The following BMP7 variants were observed in gnomAD, a reference collection of about 807,000 sequenced individuals.
BMP7 encodes osteogenic protein 1.
BMP7 carries 12 observed loss-of-function variants against 41.2 expected under a neutral mutation model. The observed-to-expected ratio is 0.29, with a 90% CI of 0.19 to 0.47. BMP7 has a LOEUF of 0.47. Ranked by LOEUF, BMP7 falls within the 20% of genes least tolerant of loss-of-function variation. The pLI is 0.99. For missense variants in BMP7, 467 were observed against 606.0 expected, an observed-to-expected ratio of 0.77 and a Z score of 2.41; for synonymous variants, 248 against 250.0, an observed-to-expected ratio of 0.99 and a Z score of 0.07.
intron 1 of BMP7, among the ~76,000 whole-genome samples, chr20:57,247,673 G>A (rs1219387856): frequency 1.3e-5 from 2 of 152,112 alleles, no homozygotes; most frequent in Admixed American, 6.5e-5. Context: ...CATTCCACCA[G>A]GGCAGGCAGG....
intron 4 of BMP7, among the ~76,000 whole-genome samples, chr20:57,180,408 A>G (rs891827571): frequency 6.6e-6 from 1 of 151,754 alleles, no homozygotes; most frequent in African/African-American, 2.4e-5. Context: ...TCCTCTCCGG[A>G]CCAGCCTGGC....
At chr20:57,253,091 C>A (rs1018753771) in intron 1 of BMP7, among the ~76,000 whole-genome samples, 6 of 152,202 alleles carry the variant, frequency 3.9e-5, no homozygotes, top group Non-Finnish European at 8.8e-5. Context: ...TCCCCCACCC[C>A]CTTCCATCCC....
rs997284864 is a variant in BMP7 at position 57,259,541 on chromosome 20, C to T, written c.418+6164G>A. 2.0e-5 allele frequency among the ~76,000 whole-genome samples: 3 copies of T among 152,070 alleles called. No homozygotes were observed. The highest frequency in any genetic ancestry group is 3.8e-4 in the East Asian group (2 of 5,196). On this transcript the variant is annotated intron_variant, in intron 1 of 6. Coordinates refer to ENST00000395863, the MANE Select transcript of BMP7 (RefSeq NM_001719.3). This position sits in a 1 kb window ranked among gnomAD's most constrained non-coding sequence, Gnocchi z 4.7. ...ACGTTCAACATGTTTGCACAGGAAC[C>T]GGATTATATGCACCCTGGCTCCAAA...
chr20:57,240,781 G>C (rs193164114), intron 1 of BMP7, among the ~76,000 whole-genome samples: 6 of 152,312 alleles, frequency 3.9e-5, no homozygotes, highest in Non-Finnish European at 8.8e-5. Context: ...CAGATCTTGT[G>C]AGAATTAGTC....
intron 2 of BMP7, chr20:57,225,924 G>T (rs1183164561): frequency 1.7e-5 from 8 of 471,156 alleles, no homozygotes; most frequent in Non-Finnish European, 3.5e-5. Context: ...GTTCGTTCTG[G>T]TCGATGCCCT....
chr20:57,194,978 G>T (rs761691515), intron 3 of BMP7, among the ~76,000 whole-genome samples: 1 of 152,210 alleles, frequency 6.6e-6, no homozygotes, highest in Non-Finnish European at 1.5e-5. Flanking sequence ...GGACCCCAAA[G>T]GTAGGAGGGA....
chr20:57,195,462 G>A (rs993130931), intron 3 of BMP7, among the ~76,000 whole-genome samples: 11 of 152,266 alleles, frequency 7.2e-5, no homozygotes, highest in Admixed American at 6.5e-4. Context: ...CCCCATTCTT[G>A]CCGTCCCAGC....
At chr20:57,187,164 A>T (rs1467040138) in intron 3 of BMP7, 1 of 152,230 alleles carries the variant, frequency 6.6e-6, no homozygotes, top group African/African-American at 2.4e-5. Flanking sequence ...CAGCTGAGAA[A>T]TGTCAGGACA....
chr20:57,223,538 T>A (rs1277642907), intron 2 of BMP7, among the ~76,000 whole-genome samples: 1 of 152,218 alleles, frequency 6.6e-6, no homozygotes, highest in Non-Finnish European at 1.5e-5. Flanking sequence ...AGATGGTGAC[T>A]GCTGAAATCT....
At chr20:57,198,543 G>A (rs1186959984) in intron 3 of BMP7, among the ~76,000 whole-genome samples, 6 of 152,306 alleles carry the variant, frequency 3.9e-5, no homozygotes, top group South Asian at 2.1e-4. Context: ...GCTTCTCCCC[G>A]CGAGGGCACG....
rs1257839739 is a variant in BMP7 at position 57,170,901 on chromosome 20, G to C, written c.*58C>G. On this transcript the variant is annotated 3_prime_UTR_variant, in exon 7 of 7. Coordinates refer to ENST00000395863, the MANE Select transcript of BMP7 (RefSeq NM_001719.3). ...GTTGGTCTGCTGGTTCCTGGCCAAG[G>C]CGAGCAATGGAGGATCCAGAAAAAC... The C allele has an allele frequency of 6.2e-7, 1 of 1,601,904 alleles. No individual in the cohort carries two copies. The highest frequency in any genetic ancestry group is 8.5e-7 in the Non-Finnish European group (1 of 1,176,168).
At chr20:57,252,221 G>C (rs2066116598) in intron 1 of BMP7, among the ~76,000 whole-genome samples, 1 of 152,196 alleles carries the variant, frequency 6.6e-6, no homozygotes, top group Non-Finnish European at 1.5e-5. Context: ...CATGAAATAT[G>C]ATTCTTCTCG....
intron 1 of BMP7, among the ~76,000 whole-genome samples, chr20:57,251,751 T>A (rs112773109): frequency 0.14 from 21,640 of 152,094 alleles, 1,648 homozygotes; most frequent in Admixed American, 0.22. Flanking sequence ...CTGGCCAACA[T>A]GTTGAAACCC....
At chr20:57,221,755 G>A (rs1474603699) in intron 2 of BMP7, among the ~76,000 whole-genome samples, 3 of 150,492 alleles carry the variant, frequency 2.0e-5, no homozygotes, top group Non-Finnish European at 4.4e-5. Flanking sequence ...AGGCTGCAGT[G>A]AGCTGTGATC....
intron 1 of BMP7, among the ~76,000 whole-genome samples, chr20:57,250,775 G>T (rs1600643966): frequency 6.6e-6 from 1 of 152,188 alleles, no homozygotes; most frequent in Admixed American, 6.5e-5. Flanking sequence ...GGCAGATCTG[G>T]GTGTCTCCTT....
rs139586161 is a variant in BMP7, at chr20:57,252,012, G to A, written c.418+13693C>T. On this transcript the variant is annotated intron_variant, in intron 1 of 6. Transcript: ENST00000395863. ...TCCCAGGTAGGGGACATAGCGTGTG[G>A]AAAGCAGGGATCAATAAACCCCATG... 1.2e-3 allele frequency among the ~76,000 whole-genome samples: 180 copies of A among 152,312 alleles called. No individual in the cohort carries two copies. In the East Asian group the frequency reaches 0.022, roughly 18 times the overall value.
chr20:57,201,750 T>C (rs1984624926), intron 3 of BMP7, among the ~76,000 whole-genome samples: 1 of 152,080 alleles, frequency 6.6e-6, no homozygotes, highest in Non-Finnish European at 1.5e-5. Context: ...CTACAAGATA[T>C]CATTTCTTAT....
intron 3 of BMP7, among the ~76,000 whole-genome samples, chr20:57,196,049 G>A (rs1568710865): frequency 6.6e-6 from 1 of 152,150 alleles, no homozygotes; most frequent in African/African-American, 2.4e-5. Context: ...GATCTGAGAG[G>A]CAGGGCTGAT....
intron 4 of BMP7, 70 bp downstream of exon 4, chr20:57,183,652 C>G (rs1984139659): frequency 3.1e-6 from 5 of 1,598,772 alleles, no homozygotes; most frequent in Non-Finnish European, 4.3e-6. Context: ...GAGTCAGTCT[C>G]CTGCCGGGTC....
Sources: gnomAD v4.1 joint callset for allele counts (sites outside exome capture counted in the v4.1 genomes callset) on GRCh38, gnomAD v4.1.1 for gene constraint, Gnocchi (gnomAD v3.1) non-coding constraint, MANE v1.5 for transcripts, NCBI Gene and HGNC (gene_info 2026-07-23, HGNC 2026-07-21) for gene names.